The following PDK1 variants were observed in gnomAD, a reference collection of about 807,000 sequenced individuals.
PDK1 encodes the protein pyruvate dehydrogenase kinase 1, also known as [Pyruvate dehydrogenase (acetyl-transferring)] kinase isozyme 1, mitochondrial.
A neutral mutation model predicts 54.2 loss-of-function variants in PDK1; 39 were observed. That is an observed-to-expected ratio of 0.72 (90% confidence interval 0.56 to 0.94). PDK1 has a LOEUF of 0.94. Ranked by LOEUF, PDK1 falls within the 40% of genes least tolerant of loss-of-function variation. The pLI is 0.00. For synonymous variants in PDK1, 221 were observed against 207.1 expected (o/e 1.07, Z -0.58); for missense variants, 552 against 566.0 (o/e 0.98, Z 0.25).
At chr2:172,579,402 A>C (rs1436654600) in intron 8 of PDK1, among the ~76,000 whole-genome samples, 1 of 152,048 alleles carries the variant, frequency 6.6e-6, no homozygotes, top group Non-Finnish European at 1.5e-5. Flanking sequence ...TACTGTTCTT[A>C]TACGGATTCA....
At chr2:172,650,910 T>C in the PDK1 span, among the ~76,000 whole-genome samples, 2 of 152,208 alleles carry the variant, frequency 1.3e-5, no homozygotes, top group East Asian at 3.9e-4. Context: ...CTGTCAACAT[T>C]AGACAGATCA....
the PDK1 span, among the ~76,000 whole-genome samples, chr2:172,688,746 G>A: frequency 0.19 from 28,840 of 152,030 alleles, 3,331 homozygotes; most frequent in African/African-American, 0.32. Flanking sequence ...CTGTACCTAG[G>A]CCATTCACTG....
At chr2:172,710,870 A>G in the PDK1 span, among the ~76,000 whole-genome samples, 2 of 152,340 alleles carry the variant, frequency 1.3e-5, no homozygotes, top group Admixed American at 6.5e-5. Context: ...TTATATCCAC[A>G]TTGTGGAGAA....
the PDK1 span, among the ~76,000 whole-genome samples, chr2:172,688,305 T>C: frequency 1.3e-5 from 2 of 152,172 alleles, no homozygotes; most frequent in Admixed American, 1.3e-4. Flanking sequence ...CCCACTCCCA[T>C]ACCTCCTGCA....
the PDK1 span, among the ~76,000 whole-genome samples, chr2:172,622,809 G>GTATATGTTTATATATTATATGTAATATGA: frequency 4.0e-3 from 563 of 139,168 alleles, 8 homozygotes; most frequent in African/African-American, 0.015. Context: ...TATATATTAT[G>GTATATGTTTATATATTATATGTAATATGA]TATATGTTTA....
At chr2:172,559,488 C>T (rs184716840) in intron 2 of PDK1, among the ~76,000 whole-genome samples, 1 of 152,164 alleles carries the variant, frequency 6.6e-6, no homozygotes, top group East Asian at 1.9e-4. Flanking sequence ...GCCTTTAATC[C>T]CTTCAACAAC....
chr2:172,643,994 A>G, the PDK1 span, among the ~76,000 whole-genome samples: 7 of 152,334 alleles, frequency 4.6e-5, no homozygotes, highest in Non-Finnish European at 8.8e-5. Flanking sequence ...CCCCCATTAT[A>G]TGAAACTTGA....
the PDK1 span, among the ~76,000 whole-genome samples, chr2:172,621,133 C>T: frequency 6.6e-6 from 1 of 152,252 alleles, no homozygotes; most frequent in Non-Finnish European, 1.5e-5. Context: ...TATAGAAATT[C>T]ACTGGGCATG....
chr2:172,646,647 C>A, the PDK1 span, among the ~76,000 whole-genome samples: 20 of 151,338 alleles, frequency 1.3e-4, no homozygotes, highest in African/African-American at 4.6e-4. Flanking sequence ...CATAAGAATT[C>A]CCTGAAGAGC....
At chr2:172,571,017 A>G (rs1305566926) in intron 8 of PDK1, among the ~76,000 whole-genome samples, 193 bp downstream of exon 8, 1 of 152,314 alleles carries the variant, frequency 6.6e-6, no homozygotes, top group South Asian at 2.1e-4. Context: ...AGTCTTTTCT[A>G]TGCAGGTCCC....
the PDK1 span, among the ~76,000 whole-genome samples, chr2:172,662,493 C>CATGTGTGT: frequency 7.0e-6 from 1 of 143,500 alleles, no homozygotes; most frequent in African/African-American, 2.6e-5. Context: ...TTTTTAAAAT[C>CATGTGTGT]GTGTGTGTGT....
At position 172,556,160 on chromosome 2, in the gene PDK1, G is replaced by T; in HGVS notation, c.10G>T (p.Ala4Ser). 1 of 1,414,450 alleles carries T rather than the reference G, an allele frequency of 7.1e-7. No homozygotes were observed. The highest frequency in any genetic ancestry group is 3.2e-5 in the Admixed American group (1 of 30,770). The allele number at this position is 1,414,450 out of a possible 1,614,324, so 87.6% of individuals were successfully genotyped here. A position where few individuals can be genotyped will look rare whatever the true frequency, so the allele number is the denominator to read the frequency against. The part of the protein sequence containing the change: MRL[A>S]RLLRGAALAG... Reference sequence around the variant, plus strand: ...TCTAGCGGGACTCGGCATGAGGCTGGCGCGGCTGCTTCGCGGAGCCGCCTT... The same window carrying T: ...TCTAGCGGGACTCGGCATGAGGCTGTCGCGGCTGCTTCGCGGAGCCGCCTT... Residue 4 changes from alanine (A) to serine (S), a missense_variant, in exon 1 of 11, where the codon GCG (alanine) becomes TCG (serine). By Grantham distance (99) the Ala-to-Ser change is moderately conservative. Transcript: ENST00000282077.
intron 7 of PDK1, among the ~76,000 whole-genome samples, chr2:172,570,322 G>T (rs926281526): frequency 2.0e-5 from 3 of 151,902 alleles, no homozygotes; most frequent in Admixed American, 1.3e-4. Context: ...ACTACTATAT[G>T]AAAAAAATTG....
chr2:172,699,762 T>C, the PDK1 span, among the ~76,000 whole-genome samples: 1 of 149,426 alleles, frequency 6.7e-6, no homozygotes, highest in African/African-American at 2.5e-5. Flanking sequence ...TTATTATTAT[T>C]TTTTTTTTAG....
chr2:172,625,863 T>C, the PDK1 span, among the ~76,000 whole-genome samples: 1 of 152,228 alleles, frequency 6.6e-6, no homozygotes, highest in Non-Finnish European at 1.5e-5. Context: ...ATGTCATATA[T>C]ATCATATGTA....
At chr2:172,667,025 A>C in the PDK1 span, among the ~76,000 whole-genome samples, 9 of 152,294 alleles carry the variant, frequency 5.9e-5, no homozygotes, top group African/African-American at 1.9e-4. Context: ...TTACGTGGAT[A>C]TATTATGTAG....
intron 8 of PDK1, among the ~76,000 whole-genome samples, chr2:172,573,527 A>T (rs1298600651): frequency 6.6e-6 from 1 of 151,312 alleles, no homozygotes; most frequent in African/African-American, 2.4e-5. Context: ...ACACACATAC[A>T]TATACATATA....
chr2:172,670,624 G>A, the PDK1 span, among the ~76,000 whole-genome samples: 1 of 151,948 alleles, frequency 6.6e-6, no homozygotes, highest in African/African-American at 2.4e-5. Context: ...AATACTCAAA[G>A]AAATAGGCAT....
At chr2:172,657,417 A>C in the PDK1 span, among the ~76,000 whole-genome samples, 3 of 49,948 alleles carry the variant, frequency 6.0e-5, 1 homozygote, top group Non-Finnish European at 2.1e-4. Context: ...TTGAACCAGA[A>C]ACCAGAAGTG....
Sources: allele counts gnomAD v4.1 joint callset (sites outside exome capture counted in the v4.1 genomes callset), GRCh38; gene constraint gnomAD v4.1.1; transcripts MANE v1.5; gene names NCBI Gene and HGNC (gene_info 2026-07-23, HGNC 2026-07-21).